Variants in RNLS observed in about 807,000 individuals in gnomAD.
RNLS encodes renalase.
In RNLS, 39 loss-of-function variants were observed where a neutral mutation model predicts 39.8. The ratio of observed to expected loss-of-function variants is 0.98; its 90% CI spans 0.76 to 1.28. RNLS has a LOEUF of 1.28. Among genes scored for constraint, RNLS ranks in the 50% most tolerant of loss-of-function variants. The pLI, the probability that RNLS is intolerant of heterozygous loss-of-function variation, is 0.00. For missense variants in RNLS, 410 were observed against 413.3 expected (o/e 0.99, Z 0.07); for synonymous variants, 147 against 150.7 (o/e 0.98, Z 0.18).
At chr10:88,514,986 T>G (rs1413710867) in intron 4 of RNLS, among the ~76,000 whole-genome samples, 3 of 152,114 alleles carry the variant, frequency 2.0e-5, no homozygotes, top group African/African-American at 7.2e-5. Context: ...TGGCTGTTCA[T>G]TCTACATTCT....
chr10:88,576,539 A>G (rs562094731), intron 3 of RNLS, among the ~76,000 whole-genome samples: 1 of 152,318 alleles, frequency 6.6e-6, no homozygotes, highest in East Asian at 1.9e-4. Flanking sequence ...GATGTGAACC[A>G]TCTCTAACTG....
intron 5 of RNLS, among the ~76,000 whole-genome samples, chr10:88,319,370 A>G (rs1233373382): frequency 1.3e-5 from 2 of 152,214 alleles, no homozygotes; most frequent in Non-Finnish European, 2.9e-5. Context: ...GCAAAAAAAA[A>G]CCTAGAGTGG....
intron 4 of RNLS, among the ~76,000 whole-genome samples, chr10:88,562,077 T>A (rs1206304851): frequency 1.1e-4 from 5 of 45,446 alleles, no homozygotes; most frequent in African/African-American, 2.5e-4. Flanking sequence ...ACAGGCATTG[T>A]CAAACGTAAG....
At chr10:88,493,591 C>A (rs996143541) in intron 4 of RNLS, among the ~76,000 whole-genome samples, 2 of 151,806 alleles carry the variant, frequency 1.3e-5, no homozygotes, top group Non-Finnish European at 2.9e-5. Flanking sequence ...TCTATTTGTT[C>A]TTGTCATTTT....
chr10:88,288,569 C>T (rs1843447215), intron 6 of RNLS, among the ~76,000 whole-genome samples: 1 of 152,110 alleles, frequency 6.6e-6, no homozygotes, highest in Non-Finnish European at 1.5e-5. Flanking sequence ...TTCCTGTTGA[C>T]ATCCCTGTAT....
intron 4 of RNLS, among the ~76,000 whole-genome samples, chr10:88,514,155 T>G (rs1163320253): frequency 6.7e-6 from 1 of 150,324 alleles, no homozygotes; most frequent in Non-Finnish European, 1.5e-5. Flanking sequence ...TGACTCATAG[T>G]TTCACATGGC....
At chr10:88,388,382 C>T (rs1851993421) in intron 4 of RNLS, among the ~76,000 whole-genome samples, 1 of 152,178 alleles carries the variant, frequency 6.6e-6, no homozygotes, top group Admixed American at 6.5e-5. Flanking sequence ...CCTTGAAATC[C>T]ATTCTCTGGA....
At chr10:88,444,610 G>A (rs1034935092) in intron 4 of RNLS, among the ~76,000 whole-genome samples, 1 of 152,150 alleles carries the variant, frequency 6.6e-6, no homozygotes, top group African/African-American at 2.4e-5. Context: ...AGTAACCAGA[G>A]TAGAGAAGTC....
intron 6 of RNLS, among the ~76,000 whole-genome samples, chr10:88,301,816 G>A (rs753439496): frequency 1.1e-4 from 17 of 152,246 alleles, no homozygotes; most frequent in Admixed American, 2.6e-4. Flanking sequence ...GTAAAACAGA[G>A]AGAAGAGAAA....
At chr10:88,544,876 A>C (rs1168816995) in intron 4 of RNLS, among the ~76,000 whole-genome samples, 2 of 152,034 alleles carry the variant, frequency 1.3e-5, no homozygotes, top group Non-Finnish European at 2.9e-5. Flanking sequence ...TTTGAGTTTG[A>C]TTTTTTTCAA....
At chr10:88,392,147 G>A (rs1852245388) in intron 4 of RNLS, among the ~76,000 whole-genome samples, 1 of 152,342 alleles carries the variant, frequency 6.6e-6, no homozygotes, top group South Asian at 2.1e-4. Flanking sequence ...AGAAAAGACT[G>A]AGTGGCAATT....
chr10:88,206,614 C>T, the RNLS span, among the ~76,000 whole-genome samples: 1 of 152,108 alleles, frequency 6.6e-6, no homozygotes, highest in African/African-American at 2.4e-5. Context: ...TTTCTCCAAA[C>T]CCCCTCTTCT....
At chr10:88,474,757 T>A (rs1316151711) in intron 4 of RNLS, among the ~76,000 whole-genome samples, 1 of 152,160 alleles carries the variant, frequency 6.6e-6, no homozygotes, top group East Asian at 1.9e-4. Flanking sequence ...GTGTAATACC[T>A]GACTCAGAGG....
chr10:88,442,227 G>C (rs1841755019), intron 4 of RNLS, among the ~76,000 whole-genome samples: 1 of 152,192 alleles, frequency 6.6e-6, no homozygotes. Flanking sequence ...AGAAGGTAAA[G>C]AGAAAGCAAA....
rs72820013 is a variant in RNLS, at chr10:88,362,919, T to C, written c.527-194A>G. Among the ~76,000 whole-genome samples, 10,208 of 152,246 alleles carry C rather than the reference T, an allele frequency of 0.067. 497 individuals are homozygous for C. Among genetic ancestry groups the C allele is most frequent in the Admixed American group, 0.13 (1,964 of 15,276 alleles). ...TGGAATAATTATTAACTTTGGCAAA[T>C]TGTTTTTATCAAGCTGAAGGTCCAC... is the stretch of plus-strand genomic sequence containing the variant. On this transcript the variant is annotated intron_variant, in intron 4 of 6. Transcript: ENST00000331772.
chr10:88,570,243 AT>A (rs1429234273), intron 4 of RNLS, among the ~76,000 whole-genome samples: 6 of 152,242 alleles, frequency 3.9e-5, no homozygotes, highest in Non-Finnish European at 7.3e-5. Context: ...GCATTAAAAA[AT>A]AAGGTCCATT....
At chr10:88,199,905 G>A in the RNLS span, among the ~76,000 whole-genome samples, 1 of 152,170 alleles carries the variant, frequency 6.6e-6, no homozygotes, top group African/African-American at 2.4e-5. Flanking sequence ...AAGGCAGGAG[G>A]ATCCCTTCAG....
chr10:88,200,309 A>G, the RNLS span, among the ~76,000 whole-genome samples: 5 of 152,356 alleles, frequency 3.3e-5, no homozygotes, highest in South Asian at 1.0e-3. Flanking sequence ...CATGTATCAC[A>G]TGCTTACTGC....
At chr10:88,212,822 T>C in the RNLS span, among the ~76,000 whole-genome samples, 215 of 152,328 alleles carry the variant, frequency 1.4e-3, 2 homozygotes, top group South Asian at 7.0e-3. Context: ...AGTTGGCACA[T>C]GTCTTGCCCA....
Sources: allele counts gnomAD v4.1 joint callset (sites outside exome capture counted in the v4.1 genomes callset), GRCh38; gene constraint gnomAD v4.1.1; transcripts MANE v1.5; gene names NCBI Gene and HGNC (gene_info 2026-07-23, HGNC 2026-07-21).